Variants in SLC39A11 observed in about 807,000 individuals in gnomAD.
The protein encoded by SLC39A11 is zinc transporter ZIP11.
SLC39A11 carries 33 observed loss-of-function variants against 36.1 expected under a neutral mutation model. The observed-to-expected ratio is 0.91, with a 90% CI of 0.69 to 1.22. The LOEUF (loss-of-function observed/expected upper bound fraction) is 1.22. Among genes scored for constraint, SLC39A11 ranks in the 50% most tolerant of loss-of-function variants. The pLI is 0.00. For missense variants in SLC39A11, 432 were observed against 430.3 expected (o/e 1.00, Z -0.03); for synonymous variants, 166 against 170.3 (o/e 0.97, Z 0.20).
rs1165802182 is a variant in SLC39A11 at position 72,668,131 on chromosome 17, A to G, written c.672-18863T>C. On this transcript the variant is annotated intron_variant, in intron 7 of 9. Transcript: ENST00000255559. ...TCCTCTGTGGGGTGGAATCTGACACAGACAATGTGAAAGATTTCTATAAAT... is the reference window on the plus strand; with the variant it reads ...TCCTCTGTGGGGTGGAATCTGACACGGACAATGTGAAAGATTTCTATAAAT... Among the ~76,000 whole-genome samples, 3 of 152,332 alleles carry G rather than the reference A, an allele frequency of 2.0e-5. No individual in the cohort carries two copies. The East Asian group carries it at 5.8e-4, about 29-fold the overall frequency.
intron 7 of SLC39A11, among the ~76,000 whole-genome samples, chr17:72,661,617 A>G (rs1429821091): frequency 6.6e-6 from 1 of 152,068 alleles, no homozygotes; most frequent in Non-Finnish European, 1.5e-5. Context: ...CCGGCTTCCC[A>G]CTAGGGCAGC....
chr17:73,007,384 G>A (rs981008613), intron 4 of SLC39A11, among the ~76,000 whole-genome samples: 1 of 152,130 alleles, frequency 6.6e-6, no homozygotes, highest in Admixed American at 6.5e-5. Flanking sequence ...TTATGCCACT[G>A]CACTCCAGCC....
At chr17:72,957,548 G>A (rs570527882) in intron 4 of SLC39A11, among the ~76,000 whole-genome samples, 10 of 152,344 alleles carry the variant, frequency 6.6e-5, no homozygotes, top group African/African-American at 7.2e-5. Context: ...GCCAGGCGCC[G>A]CAGCTCATGC....
chr17:72,793,184 G>C (rs778807996), intron 6 of SLC39A11, among the ~76,000 whole-genome samples: 2 of 152,100 alleles, frequency 1.3e-5, no homozygotes, highest in Non-Finnish European at 2.9e-5. Flanking sequence ...CTAGAATGAG[G>C]ATGGGCTTAT....
chr17:72,936,090 T>C (rs956834198), intron 5 of SLC39A11, among the ~76,000 whole-genome samples: 1 of 151,886 alleles, frequency 6.6e-6, no homozygotes, highest in African/African-American at 2.4e-5. Flanking sequence ...CCCAGCTACA[T>C]AGGAAACTGA....
chr17:72,658,828 A>G (rs1021796132), intron 7 of SLC39A11, among the ~76,000 whole-genome samples: 8 of 151,938 alleles, frequency 5.3e-5, no homozygotes, highest in African/African-American at 1.7e-4. Context: ...GTGGATGGCA[A>G]ATGATCACTG....
In SLC39A11 at chr17:72,981,887, T is replaced by G. The variant is rs554746141; in HGVS notation, c.307-34012A>C. ...AAAAGTAAGAGAAAGACACAGACAC[T>G]TCACAGAAAGGGAAATACAAACAGC... On this transcript the variant is annotated intron_variant, in intron 4 of 9. Coordinates refer to ENST00000255559, the MANE Select transcript of SLC39A11 (RefSeq NM_139177.4). Among the ~76,000 whole-genome samples, 58 of 152,178 alleles carry G rather than the reference T, an allele frequency of 3.8e-4. 1 individual carries two copies. The South Asian group carries it at 0.012, about 31-fold the overall frequency.
At chr17:72,923,147 A>AT (rs2083798933) in intron 5 of SLC39A11, among the ~76,000 whole-genome samples, 1 of 152,000 alleles carries the variant, frequency 6.6e-6, no homozygotes, top group Non-Finnish European at 1.5e-5. Context: ...GCTGTTTACA[A>AT]TTACTCAATC....
At chr17:72,998,370 A>C (rs2089635031) in intron 4 of SLC39A11, among the ~76,000 whole-genome samples, 1 of 152,196 alleles carries the variant, frequency 6.6e-6, no homozygotes, top group Non-Finnish European at 1.5e-5. Flanking sequence ...CTTTAAGTCC[A>C]AAGTCATGCA....
chr17:72,678,695 A>AG (rs200536600), intron 7 of SLC39A11, among the ~76,000 whole-genome samples: 4 of 148,420 alleles, frequency 2.7e-5, no homozygotes, highest in Non-Finnish European at 6.1e-5. Flanking sequence ...AGAAAAAAAA[A>AG]AGAGAGAAAC....
At chr17:72,670,155 TTATA>T (rs1341458805) in intron 7 of SLC39A11, among the ~76,000 whole-genome samples, 2 of 104,830 alleles carry the variant, frequency 1.9e-5, no homozygotes, top group East Asian at 5.7e-4. Flanking sequence ...CACACACATT[TTATA>T]TACACACACA....
intron 5 of SLC39A11, among the ~76,000 whole-genome samples, chr17:72,864,578 G>A (rs370770875): frequency 1.3e-5 from 2 of 152,156 alleles, no homozygotes; most frequent in South Asian, 2.1e-4. Context: ...CATGGAAAAC[G>A]TGTCTTGGGG....
intron 6 of SLC39A11, among the ~76,000 whole-genome samples, chr17:72,840,845 G>A (rs1232807898): frequency 6.6e-6 from 1 of 151,836 alleles, no homozygotes. Flanking sequence ...CACAAGGTCA[G>A]GAGATCAGGA....
intron 7 of SLC39A11, among the ~76,000 whole-genome samples, chr17:72,720,142 C>A (rs2714034): frequency 0.22 from 32,843 of 152,068 alleles, 4,407 homozygotes; most frequent in African/African-American, 0.38. Flanking sequence ...GCTCTGCTCC[C>A]AGGGAGGACA....
intron 3 of SLC39A11, among the ~76,000 whole-genome samples, chr17:73,080,959 T>TA (rs2060489921): frequency 1.3e-5 from 1 of 74,666 alleles, no homozygotes; most frequent in Admixed American, 1.0e-4. Flanking sequence ...AACAATAAAA[T>TA]AAATAAATAA....
At chr17:72,714,264 G>A (rs2073242928) in intron 7 of SLC39A11, among the ~76,000 whole-genome samples, 1 of 152,156 alleles carries the variant, frequency 6.6e-6, no homozygotes, top group Non-Finnish European at 1.5e-5. Context: ...GCTGAGGCGG[G>A]AGGATCGCTT....
chr17:72,790,353 A>T (rs1020135767), intron 6 of SLC39A11, among the ~76,000 whole-genome samples: 3 of 152,198 alleles, frequency 2.0e-5, no homozygotes, highest in African/African-American at 7.2e-5. Flanking sequence ...GTGAGGAAGT[A>T]GGCAGTGCTC....
At chr17:72,691,075 T>G (rs1233342595) in intron 7 of SLC39A11, among the ~76,000 whole-genome samples, 1 of 152,142 alleles carries the variant, frequency 6.6e-6, no homozygotes, top group East Asian at 1.9e-4. Flanking sequence ...ATTCCATACA[T>G]GGAGTCTGCA....
intron 5 of SLC39A11, among the ~76,000 whole-genome samples, chr17:72,942,843 T>C (rs905728558): frequency 3.3e-5 from 5 of 151,958 alleles, no homozygotes; most frequent in African/African-American, 1.2e-4. Flanking sequence ...ACATTATGTC[T>C]AAAAAAATGC....
Sources: gnomAD v4.1 joint callset for allele counts (sites outside exome capture counted in the v4.1 genomes callset) on GRCh38, gnomAD v4.1.1 for gene constraint, MANE v1.5 for transcripts, NCBI Gene and HGNC (gene_info 2026-07-23, HGNC 2026-07-21) for gene names.